Variants in DUS4L observed in about 807,000 individuals in gnomAD.
DUS4L encodes the protein tRNA-dihydrouridine(20a/20b) synthase [NAD(P)+]-like.
Under a neutral mutation model 33.8 loss-of-function variants are expected in DUS4L, and 31 were observed. The ratio of observed to expected loss-of-function variants is 0.92; its 90% CI spans 0.69 to 1.24. DUS4L has a LOEUF of 1.24. DUS4L is among the 50% of genes most tolerant of loss of function. The pLI is 0.00. For synonymous variants in DUS4L, 103 were observed against 120.3 expected (o/e 0.86, Z 0.94); for missense variants, 368 against 388.6 (o/e 0.95, Z 0.45).
chr7:107,571,732 G>A (rs1805255182), intron 4 of DUS4L, among the ~76,000 whole-genome samples: 1 of 152,184 alleles, frequency 6.6e-6, no homozygotes, highest in East Asian at 1.9e-4. Flanking sequence ...AAGCTCTCCA[G>A]GTAATTCTGA....
At position 107,577,551 on chromosome 7, in the gene DUS4L, T is replaced by G. The variant is rs1269217158; in HGVS notation, c.945T>G (p.Tyr315Ter). The G allele has an allele frequency of 6.2e-7, 1 of 1,612,992 alleles. No individual in the cohort carries two copies. The highest frequency in any genetic ancestry group is 1.3e-5 in the African/African-American group (1 of 75,022). Reference sequence around the variant, plus strand: ...TCATAGATTACCTTACAGACCATTATGGCATTTGACTAGACTTCCCAAATA... The same window carrying G: ...TCATAGATTACCTTACAGACCATTAGGGCATTTGACTAGACTTCCCAAATA... ...SAIIDYLTDH[Y>*]GI Residue 315 changes from tyrosine (Y) to a stop codon, truncating the protein, a stop_gained, in exon 8 of 8, where the codon TAT (tyrosine) becomes TAG (stop). Transcript: ENST00000265720. LOFTEE classifies it high-confidence loss of function.
Position 107,577,600 on chromosome 7 carries a change from C to A in DUS4L, c.*40C>A. The A allele has an allele frequency of 6.4e-7, 1 of 1,574,176 alleles. No homozygotes were observed. The highest frequency in any genetic ancestry group is 1.2e-5 in the South Asian group (1 of 86,106). On this transcript the variant is annotated 3_prime_UTR_variant, in exon 8 of 8. Transcript: ENST00000265720. ...TAATTTTAATATATACTTTTAGACC[C>A]ACAGTGAAACCACAGAAGGTCATAT...
chr7:107,571,644 A>G (rs951140958), intron 4 of DUS4L, among the ~76,000 whole-genome samples: 1 of 152,194 alleles, frequency 6.6e-6, no homozygotes, highest in Non-Finnish European at 1.5e-5. Context: ...TATTATCTGG[A>G]AACTTGTTAG....
Position 107,575,290 on chromosome 7 carries a change from T to C in DUS4L, c.459T>C (p.Phe153=). ...QVRNQVETPG[F]SVSIKIRIHD... The stretch of plus-strand genomic sequence containing the variant: ...GAAATCAAGTGGAAACCCCTGGATT[T>C]TCAGTTTCTATTAAAATAAGGTAAA... The change falls in exon 6 of 8, where the codon TTT becomes TTC. Residue 153 remains phenylalanine (F), a synonymous_variant. Coordinates refer to ENST00000265720, the MANE Select transcript of DUS4L (RefSeq NM_181581.3). 1 of 1,611,584 alleles carries C rather than the reference T, an allele frequency of 6.2e-7. No individual in the cohort carries two copies. The highest frequency in any genetic ancestry group is 8.5e-7 in the Non-Finnish European group (1 of 1,179,316).
chr7:107,575,092 A>C, intron 5 of DUS4L, 96 bp from the exon 6 acceptor site: 2 of 1,513,460 alleles, frequency 1.3e-6, no homozygotes, highest in Non-Finnish European at 9.1e-7. Flanking sequence ...CCAGATCACT[A>C]GAGAAATGGA....
At chr7:107,567,724 C>A in intron 3 of DUS4L, 1 of 447,692 alleles carries the variant, frequency 2.2e-6, no homozygotes, top group Non-Finnish European at 4.5e-6. Flanking sequence ...CATTGTTGTG[C>A]ATCTGATCTC....
intron 3 of DUS4L, 81 bp downstream of exon 3, chr7:107,567,267 C>G (rs1288750308): frequency 2.6e-6 from 3 of 1,169,174 alleles, no homozygotes; most frequent in Non-Finnish European, 3.7e-6. Flanking sequence ...TGTAAGACCA[C>G]CCACCATATG....
At position 107,564,580 on chromosome 7, in the gene DUS4L, T is replaced by G. The variant is rs929693610; in HGVS notation, c.-110-8T>G. ...TTTGACCTTTTGCCTTTTCTACTTC[T>G]TCCTCAGTTTCAGTCACGTGCCAGA... On this transcript the variant is annotated splice_polypyrimidine_tract_variant and splice_region_variant and intron_variant, in intron 1 of 7. Coordinates refer to ENST00000265720, the MANE Select transcript of DUS4L (RefSeq NM_181581.3). 1.3e-5 allele frequency: 2 copies of G among 152,734 alleles called. No individual in the cohort carries two copies. Among genetic ancestry groups the G allele is most frequent in the African/African-American group, 4.8e-5 (2 of 41,472 alleles). 9.5% of individuals were successfully genotyped at this position (152,734 alleles called of 1,614,324 possible).
At chr7:107,564,356 GT>G (rs761667883) in intron 1 of DUS4L, 147 bp downstream of exon 1, 7 of 324,686 alleles carry the variant, frequency 2.2e-5, no homozygotes, top group Non-Finnish European at 3.5e-5. Flanking sequence ...TCACGCGTTA[GT>G]TGCTACACAG....
Position 107,577,668 on chromosome 7 carries a change from C to A in DUS4L, c.*108C>A. ...TAGCTCTCAAATTTTAGTATAAAAA[C>A]AATTCCTGGGAGCGTTTTTTAAAAA... On this transcript the variant is annotated 3_prime_UTR_variant, in exon 8 of 8. Coordinates refer to ENST00000265720, the MANE Select transcript of DUS4L (RefSeq NM_181581.3). 7.9e-7 allele frequency: 1 copy of A among 1,272,856 alleles called. No homozygotes were observed. The highest frequency in any genetic ancestry group is 1.1e-6 in the Non-Finnish European group (1 of 939,940). 78.8% of individuals were successfully genotyped at this position (1,272,856 alleles called of 1,614,324 possible).
At chr7:107,575,038 C>A in intron 5 of DUS4L, 150 bp from the exon 6 acceptor site, 1 of 1,005,164 alleles carries the variant, frequency 9.9e-7, no homozygotes, top group Non-Finnish European at 1.5e-6. Context: ...TATTGATCCA[C>A]TTAGAAATGT....
intron 3 of DUS4L, among the ~76,000 whole-genome samples, chr7:107,567,426 C>T (rs1195782673): frequency 2.6e-5 from 4 of 152,006 alleles, no homozygotes; most frequent in African/African-American, 9.7e-5. Context: ...GTTGTAACTC[C>T]TACCTATAAG....
Position 107,573,714 on chromosome 7 carries a change from A to G in DUS4L, c.249A>G (p.Pro83=). 6.2e-7 allele frequency: 1 copy of G among 1,608,494 alleles called. No homozygotes were observed. Among genetic ancestry groups the G allele is most frequent in the Non-Finnish European group, 8.5e-7 (1 of 1,177,902 alleles). ...TATTCATTTTGTCAGGTGATTGCCC[A>G]TTGATTGTTCAGTTTGCTGCTAACG... ...SEFTTNQGDC[P]LIVQFAANDA... The change falls in exon 5 of 8, where the codon CCA becomes CCG. Residue 83 remains proline (P), a synonymous_variant. Coordinates refer to ENST00000265720, the MANE Select transcript of DUS4L (RefSeq NM_181581.3).
intron 2 of DUS4L, among the ~76,000 whole-genome samples, chr7:107,566,767 A>C: frequency 6.6e-6 from 1 of 151,918 alleles, no homozygotes; most frequent in Middle Eastern, 3.4e-3. Context: ...AAATAACATG[A>C]AAACTTACAA....
intron 7 of DUS4L, chr7:107,577,086 A>T (rs1805818973): frequency 1.9e-6 from 1 of 528,628 alleles, no homozygotes. Flanking sequence ...TTAATGTAGA[A>T]ATCTTTAAAA....
At chr7:107,567,208 A>C in intron 3 of DUS4L, 22 bp downstream of exon 3, 2 of 1,596,576 alleles carry the variant, frequency 1.3e-6, no homozygotes, top group Non-Finnish European at 1.7e-6. Flanking sequence ...AAAATGATTA[A>C]TGAACTAAGA....
rs748563192 is a variant in DUS4L at position 107,577,446 on chromosome 7, A to G, written c.840A>G (p.Gln280=). 1.2e-6 allele frequency: 2 copies of G among 1,614,176 alleles called. No homozygotes were observed. The highest frequency in any genetic ancestry group is 1.7e-6 in the Non-Finnish European group (2 of 1,180,022). Residue 280 remains glutamine (Q), a synonymous_variant, in exon 8 of 8, where the codon CAA becomes CAG. Coordinates refer to ENST00000265720, the MANE Select transcript of DUS4L (RefSeq NM_181581.3). ...ELGTPYMCFH[Q]HLMYMMEKIT... ...GGACTCCTTACATGTGTTTCCATCA[A>G]CATTTAATGTACATGATGGAAAAGA...
chr7:107,571,036 C>T, intron 3 of DUS4L, 109 bp from the exon 4 acceptor site: 1 of 1,376,032 alleles, frequency 7.3e-7, no homozygotes, highest in Non-Finnish European at 1.0e-6. Context: ...AAAAGTAAAT[C>T]TCCTCCATCT....
chr7:107,569,882 CATA>C (rs1349560173), intron 3 of DUS4L, among the ~76,000 whole-genome samples: 1 of 152,152 alleles, frequency 6.6e-6, no homozygotes, highest in Non-Finnish European at 1.5e-5. Flanking sequence ...TCCTTTTGAT[CATA>C]TGCCTTTTGT....
Sources: gnomAD v4.1 joint callset for allele counts (sites outside exome capture counted in the v4.1 genomes callset) on GRCh38, gnomAD v4.1.1 for gene constraint, MANE v1.5 for transcripts, NCBI Gene and HGNC (gene_info 2026-07-23, HGNC 2026-07-21) for gene names.